The following WNT2B variants were observed in gnomAD, a reference collection of about 807,000 sequenced individuals.
WNT2B encodes the protein protein Wnt-2b.
WNT2B carries 19 observed loss-of-function variants against 40.5 expected under a neutral mutation model. The observed-to-expected ratio is 0.47, with a 90% confidence interval of 0.33 to 0.69. The LOEUF (loss-of-function observed/expected upper bound fraction) is 0.69, where lower values mean the gene tolerates loss of function less well. WNT2B is among the 30% of genes least tolerant of loss of function. The pLI is 0.02. For synonymous variants in WNT2B, 220 were observed against 211.9 expected, an observed-to-expected ratio of 1.04 and a Z score of -0.33; for missense variants, 467 against 556.4, an observed-to-expected ratio of 0.84 and a Z score of 1.62.
At position 112,524,489 on chromosome 1, in the gene WNT2B, A is replaced by T. The variant is rs1653114034; in HGVS notation, c.*3980A>T. On this transcript the variant is annotated 3_prime_UTR_variant, in exon 5 of 5. Coordinates refer to ENST00000369684, the MANE Select transcript of WNT2B (RefSeq NM_024494.3). ...TGGGCCTTGTGGAGAGAGGTGCCAG[A>T]CACAGAGTTCTCCGTAAGCAATCCT... The T allele has an allele frequency of 6.5e-6, 1 of 152,766 alleles. No homozygotes were observed. Among genetic ancestry groups the T allele is most frequent in the Admixed American group, 6.5e-5 (1 of 15,276 alleles). The allele number at this position is 152,766 out of a possible 1,614,324, so 9.5% of individuals were successfully genotyped here.
Position 112,528,592 on chromosome 1 carries a change from A to C in WNT2B, c.*8083A>C, listed in dbSNP as rs560572646. ...GATTCTGGGCTAAGTAAGAGATATC[A>C]AATATCCTATCCAGTACTGTGATAC... On this transcript the variant is annotated 3_prime_UTR_variant, in exon 5 of 5. Coordinates refer to ENST00000369684, the MANE Select transcript of WNT2B (RefSeq NM_024494.3). 1 of 152,356 alleles carries C rather than the reference A, an allele frequency of 6.6e-6. No homozygotes were observed. The highest frequency in any genetic ancestry group is 2.1e-4 in the South Asian group (1 of 4,826). 9.4% of individuals were successfully genotyped at this position (152,356 alleles called of 1,614,324 possible).
At chr1:112,494,729 T>C (rs1651712812) in intron 1 of WNT2B, among the ~76,000 whole-genome samples, 1 of 151,546 alleles carries the variant, frequency 6.6e-6, no homozygotes. Context: ...TTTGTTGCCA[T>C]TGGACTGGCC....
At chr1:112,491,021 C>T in intron 1 of WNT2B, 1 of 1,614,038 alleles carries the variant, frequency 6.2e-7, no homozygotes. Flanking sequence ...ACTGAAGGAT[C>T]CTTGAGGACG....
At chr1:112,491,857 C>T (rs1651614677) in intron 1 of WNT2B, among the ~76,000 whole-genome samples, 1 of 152,138 alleles carries the variant, frequency 6.6e-6, no homozygotes, top group South Asian at 2.1e-4. Flanking sequence ...TGCCACCGTA[C>T]TCCTGCCTGG....
chr1:112,485,029 C>A (rs1046906172), intron 1 of WNT2B, among the ~76,000 whole-genome samples: 4 of 152,250 alleles, frequency 2.6e-5, no homozygotes, highest in South Asian at 2.1e-4. Flanking sequence ...TTCCAACAGG[C>A]TTTTTTGTAG....
intron 1 of WNT2B, among the ~76,000 whole-genome samples, chr1:112,478,742 A>G (rs1283780461): frequency 6.6e-6 from 1 of 151,728 alleles, no homozygotes; most frequent in East Asian, 1.9e-4. Flanking sequence ...GCAACATGGC[A>G]AAACCTCATC....
chr1:112,504,404 C>A (rs913961447), upstream of WNT2B, among the ~76,000 whole-genome samples: 7 of 152,162 alleles, frequency 4.6e-5, no homozygotes, highest in Non-Finnish European at 1.0e-4. Context: ...CTCCATCAAG[C>A]CCCCTTTCCT....
intron 1 of WNT2B, among the ~76,000 whole-genome samples, chr1:112,490,724 C>T (rs916557544): frequency 1.3e-5 from 2 of 152,068 alleles, no homozygotes; most frequent in Admixed American, 6.6e-5. Context: ...CTCCTGACCT[C>T]GTGATCTGCC....
intron 1 of WNT2B, among the ~76,000 whole-genome samples, chr1:112,492,426 T>C (rs1406378227): frequency 6.6e-6 from 1 of 152,166 alleles, no homozygotes; most frequent in Non-Finnish European, 1.5e-5. Context: ...GATGAATTGC[T>C]GGAGACTCAG....
At chr1:112,477,549 ATC>A (rs1359847324) in intron 1 of WNT2B, among the ~76,000 whole-genome samples, 1 of 152,226 alleles carries the variant, frequency 6.6e-6, no homozygotes, top group African/African-American at 2.4e-5. Context: ...AGAAATAGAG[ATC>A]TATGAACTAC....
At chr1:112,488,505 A>G (rs1651489721) in intron 1 of WNT2B, among the ~76,000 whole-genome samples, 1 of 150,754 alleles carries the variant, frequency 6.6e-6, no homozygotes, top group African/African-American at 2.4e-5. Context: ...GTGTTTAGTG[A>G]TGTTGCACTA....
chr1:112,520,281 T>C lies in WNT2B; in HGVS notation c.948T>C (p.Gly316=), dbSNP rs756575329. 4 of 1,613,470 alleles carry C rather than the reference T, an allele frequency of 2.5e-6. No individual in the cohort carries two copies. The African/African-American group carries it at 4.0e-5, about 16-fold the overall frequency. ...PDYCVLDKAA[G]SLGTAGRVCS... is the part of the protein sequence containing the mutation. ...CACTCCCTCTCTTCCCCAACCCAGG[T>C]TCCCTAGGCACTGCAGGCCGTGTCT... The change falls in exon 5 of 5, where the codon GGT becomes GGC. Residue 316 remains glycine (G), a splice_region_variant and synonymous_variant. Coordinates refer to ENST00000369684, the MANE Select transcript of WNT2B (RefSeq NM_024494.3).
Position 112,509,180 on chromosome 1 carries a change from T to C in WNT2B, c.-83T>C. The C allele has an allele frequency of 1.4e-6, 2 of 1,389,406 alleles. No individual in the cohort carries two copies. The highest frequency in any genetic ancestry group is 1.8e-6 in the Non-Finnish European group (2 of 1,081,548). The allele number at this position is 1,389,406 out of a possible 1,614,324, so 86.1% of individuals were successfully genotyped here. A position where few individuals can be genotyped will look rare whatever the true frequency, so the allele number is the denominator to read the frequency against. ...CGAACACCATGGCCCCCCAGGGGGG[T>C]GAGGTAGGAGCAGCCTGAGTACCCC... is the stretch of plus-strand genomic sequence containing the variant. On this transcript the variant is annotated 5_prime_UTR_variant, in exon 1 of 5. Transcript: ENST00000369684. The surrounding 1 kb of genome is among the most constrained non-coding windows in gnomAD (Gnocchi z 4.2).
intron 4 of WNT2B, chr1:112,518,184 G>T (rs1652662045): frequency 6.6e-6 from 1 of 152,250 alleles, no homozygotes; most frequent in Admixed American, 6.5e-5. Context: ...GGAGGTGCTG[G>T]AAGTTGATAT....
intron 1 of WNT2B, among the ~76,000 whole-genome samples, chr1:112,479,532 C>T (rs1175651): frequency 0.29 from 44,689 of 151,586 alleles, 7,588 homozygotes; most frequent in African/African-American, 0.47. Context: ...CAAGATCACA[C>T]CACTGCACTC....
rs776919554 is a variant in WNT2B at position 112,509,357 on chromosome 1, G to A, written c.95G>A (p.Gly32Asp). The A allele has an allele frequency of 1.3e-6, 2 of 1,594,478 alleles. No homozygotes were observed. The highest frequency in any genetic ancestry group is 8.5e-7 in the Non-Finnish European group (1 of 1,176,870). ...GTGCCGTCGCCCGCGGCCCCCGACG[G>A]CTCCCGGGCTTCGGCCCGCCTAGGT... ...VPVPSPAAPDGSRASARLGLA... is the reference protein window; with the variant it reads ...VPVPSPAAPDDSRASARLGLA... Residue 32 changes from glycine to aspartate, a missense_variant, in exon 1 of 5, where the codon GGC (glycine) becomes GAC (aspartate). Coordinates refer to ENST00000369684, the MANE Select transcript of WNT2B (RefSeq NM_024494.3). The surrounding 1 kb of genome is among the most constrained non-coding windows in gnomAD (Gnocchi z 4.2).
Position 112,517,323 on chromosome 1 carries a change from C to G in WNT2B, c.884C>G (p.Thr295Ser). 1 of 1,613,938 alleles carries G rather than the reference C, an allele frequency of 6.2e-7. No homozygotes were observed. The highest frequency in any genetic ancestry group is 2.2e-5 in the East Asian group (1 of 44,862). The change falls in exon 4 of 5, where the codon ACC becomes AGC. Residue 295 changes from threonine to serine, a missense_variant. This residue lies in a region of WNT2B where 330 missense variants were observed against 438.6 expected (regional missense o/e 0.75). Coordinates refer to ENST00000369684, the MANE Select transcript of WNT2B (RefSeq NM_024494.3). The part of the protein sequence containing the change: ...TAARQGYRRA[T>S]RTDLVYFDNS... ...GCCCGCCAAGGCTATCGCCGTGCCA[C>G]CCGGACTGATCTTGTCTACTTTGAC...
chr1:112,494,299 C>T lies in WNT2B; in HGVS notation c.-94-20575C>T, dbSNP rs182568919. Reference sequence around the variant, plus strand: ...CACTCTAGCCTGGGCAACAGAGAGACGATCCGTTTCAAAAAAAAAAATTAT... The same window carrying T: ...CACTCTAGCCTGGGCAACAGAGAGATGATCCGTTTCAAAAAAAAAAATTAT... On this transcript the variant is annotated intron_variant, in intron 1 of 4. Transcript: ENST00000256640. Among the ~76,000 whole-genome samples the T allele has an allele frequency of 2.5e-3, 381 of 150,702 alleles. 26 individuals carry two copies. The highest frequency in any genetic ancestry group is 8.9e-3 in the African/African-American group (358 of 40,404).
Position 112,527,911 on chromosome 1 carries a change from A to G in WNT2B, c.*7402A>G, listed in dbSNP as rs1458388780. 6.6e-6 allele frequency: 1 copy of G among 152,244 alleles called. No homozygotes were observed. The highest frequency in any genetic ancestry group is 1.9e-4 in the East Asian group (1 of 5,202). 9.4% of individuals were successfully genotyped at this position (152,244 alleles called of 1,614,324 possible). ...AGGAAGGTGAACTGGAACTCTGGGG[A>G]AACTGAAAAGGTCATCAATAGGCCT... On this transcript the variant is annotated 3_prime_UTR_variant, in exon 5 of 5. Coordinates refer to ENST00000369684, the MANE Select transcript of WNT2B (RefSeq NM_024494.3).
Sources: gnomAD v4.1 joint callset for allele counts (sites outside exome capture counted in the v4.1 genomes callset) on GRCh38, gnomAD v4.1.1 for gene constraint, gnomAD v4.1.1 regional missense constraint, Gnocchi (gnomAD v3.1) non-coding constraint, MANE v1.5 for transcripts, NCBI Gene and HGNC (gene_info 2026-07-23, HGNC 2026-07-21) for gene names.